Variants in SCN1A observed in about 807,000 individuals in gnomAD.
SCN1A encodes the protein sodium channel protein type 1 subunit alpha.
SCN1A carries 13 observed loss-of-function variants against 193.7 expected under a neutral mutation model. The observed-to-expected ratio is 0.07, with a 90% CI of 0.04 to 0.11. SCN1A has a LOEUF of 0.11. Ranked by LOEUF, SCN1A falls within the 10% of genes least tolerant of loss-of-function variation. The probability of loss-of-function intolerance (pLI) is 1.00; values close to 1 mark genes in which losing one functional copy is unlikely to be tolerated. For missense variants in SCN1A, 1,432 were observed against 2,451.1 expected (o/e 0.58, Z 8.78); for synonymous variants, 781 against 843.6 (o/e 0.93, Z 1.29).
At chr2:166,113,391 T>G (rs1187932660) in intron 2 of SCN1A, among the ~76,000 whole-genome samples, 1 of 151,964 alleles carries the variant, frequency 6.6e-6, no homozygotes, top group Non-Finnish European at 1.5e-5. Context: ...GAATGACTAG[T>G]AAATGAAAAA....
chr2:166,039,893 A>C (rs1311331741), intron 16 of SCN1A, among the ~76,000 whole-genome samples: 1 of 147,192 alleles, frequency 6.8e-6, no homozygotes, highest in South Asian at 2.2e-4. Context: ...CAAAACTAGG[A>C]TTTGAGTACA....
intron 4 of SCN1A, among the ~76,000 whole-genome samples, chr2:166,065,968 G>T (rs1683797225): frequency 6.6e-6 from 1 of 152,144 alleles, no homozygotes; most frequent in Non-Finnish European, 1.5e-5. Flanking sequence ...TGGACTCCAT[G>T]CCTCACAGTC....
At chr2:166,112,799 G>T (rs747867719) in intron 2 of SCN1A, among the ~76,000 whole-genome samples, 10 of 152,226 alleles carry the variant, frequency 6.6e-5, no homozygotes, top group Non-Finnish European at 1.2e-4. Flanking sequence ...ACCTGCATCT[G>T]CAAGGGATGG....
chr2:166,050,613 G>GTATATATATATATATATATA (rs368513344), intron 9 of SCN1A, among the ~76,000 whole-genome samples: 1,997 of 63,828 alleles, frequency 0.031, 79 homozygotes, highest in Non-Finnish European at 0.043. Context: ...ATTAAAAAAA[G>GTATATATATATATATATATA]TATATATATA....
In SCN1A at chr2:165,992,205, G is replaced by A. The variant is rs372367100; in HGVS notation, c.5070C>T (p.Ser1690=). The part of the protein sequence containing the change: ...VMFIYAIFGM[S]NFAYVKREVG... ...CTTCCCTCTTAACATAGGCAAAGTT[G>A]GACATCCCAAAGATGGCGTAGATGA... The change falls in exon 29 of 29, where the codon TCC becomes TCT. Residue 1690 remains serine, a synonymous_variant. Transcript: ENST00000674923. This position sits in a 1 kb window ranked among gnomAD's most constrained non-coding sequence, Gnocchi z 6.5. 29 of 1,613,694 alleles carry A rather than the reference G, an allele frequency of 1.8e-5. No individual in the cohort carries two copies. Among genetic ancestry groups the A allele is most frequent in the Non-Finnish European group, 2.4e-5 (28 of 1,179,898 alleles).
At chr2:166,046,352 T>G in intron 12 of SCN1A, among the ~76,000 whole-genome samples, 1 of 152,128 alleles carries the variant, frequency 6.6e-6, no homozygotes, top group Non-Finnish European at 1.5e-5. Flanking sequence ...GCAACCACGT[T>G]AAAAGCCAAC....
At chr2:166,062,205 A>C (rs1221258139) in intron 4 of SCN1A, among the ~76,000 whole-genome samples, 1 of 152,140 alleles carries the variant, frequency 6.6e-6, no homozygotes, top group Non-Finnish European at 1.5e-5. Flanking sequence ...ATACATGCTT[A>C]TGTACAAACT....
At chr2:166,119,351 T>C (rs944658130) in intron 2 of SCN1A, among the ~76,000 whole-genome samples, 4 of 152,180 alleles carry the variant, frequency 2.6e-5, no homozygotes, top group Non-Finnish European at 5.9e-5. Context: ...CTCTGGCTCA[T>C]TTTCACTTGC....
chr2:166,072,316 A>T (rs553942401), intron 4 of SCN1A, among the ~76,000 whole-genome samples: 26 of 152,210 alleles, frequency 1.7e-4, no homozygotes, highest in African/African-American at 6.3e-4. Flanking sequence ...CTTAAAAAAA[A>T]TTTTATGCTT....
chr2:166,134,970 T>C (rs1224737203), intron 1 of SCN1A, among the ~76,000 whole-genome samples: 1 of 152,126 alleles, frequency 6.6e-6, no homozygotes, highest in Non-Finnish European at 1.5e-5. Context: ...ATAATGAAAA[T>C]GCCTGAGCAA....
chr2:166,146,008 C>T (rs950507625), intron 1 of SCN1A, among the ~76,000 whole-genome samples: 1 of 151,940 alleles, frequency 6.6e-6, no homozygotes, highest in African/African-American at 2.4e-5. Flanking sequence ...GGGTAGAAGC[C>T]CACATCTTTA....
chr2:166,068,264 T>C (rs1684053607), intron 4 of SCN1A, among the ~76,000 whole-genome samples: 1 of 152,218 alleles, frequency 6.6e-6, no homozygotes, highest in Non-Finnish European at 1.5e-5. Context: ...AAGGATCTCC[T>C]ATAGATATGG....
At chr2:166,108,243 C>A (rs940542875) in intron 2 of SCN1A, among the ~76,000 whole-genome samples, 2 of 151,724 alleles carry the variant, frequency 1.3e-5, no homozygotes, top group South Asian at 4.2e-4. Context: ...AAATAAAAAA[C>A]CCAATGAGAC....
intron 2 of SCN1A, among the ~76,000 whole-genome samples, chr2:166,102,004 TA>T (rs1373607894): frequency 6.6e-6 from 1 of 152,292 alleles, no homozygotes; most frequent in East Asian, 1.9e-4. Context: ...CCAGTATCTA[TA>T]AGGAACTTAC....
In SCN1A at chr2:165,989,100, A is replaced by G. The variant is rs1688810288; in HGVS notation, c.*2145T>C. On this transcript the variant is annotated 3_prime_UTR_variant, in exon 29 of 29. Coordinates refer to ENST00000674923, the MANE Select transcript of SCN1A (RefSeq NM_001165963.4). The stretch of plus-strand genomic sequence containing the variant: ...CGCTCCCCTTCTCCCCCAATTTGTA[A>G]TGTAAAAAATCTCCATATCATTAGA... The G allele has an allele frequency of 6.6e-6, 1 of 151,190 alleles. No homozygotes were observed. 9.4% of individuals were successfully genotyped at this position (151,190 alleles called of 1,614,324 possible).
At position 166,007,667 on chromosome 2, in the gene SCN1A, T is replaced by G. The variant is rs58140851; in HGVS notation, c.4002+2052A>C. Among the ~76,000 whole-genome samples, 1 of 151,520 alleles carries G rather than the reference T, an allele frequency of 6.6e-6. No individual in the cohort carries two copies. ...TTATTTGTTACTTTCTAACTTCTTA[T>G]CAAGCACTGTACAACATGCTTTATT... On this transcript the variant is annotated intron_variant, in intron 23 of 28. Transcript: ENST00000674923.
In SCN1A at chr2:166,043,846, C is replaced by G; in HGVS notation, c.1866G>C (p.Leu622=). Residue 622 remains leucine, a synonymous_variant, in exon 14 of 29, where the codon CTG becomes CTC. Coordinates refer to ENST00000674923, the MANE Select transcript of SCN1A (RefSeq NM_001165963.4). ...TCCGGGATGACCTACTGGTCTGACT[C>G]AGGTTGCTGTTGCGTCTCTCTCCGT... is the stretch of plus-strand genomic sequence containing the variant. The part of the protein sequence containing the change: ...RRHGERRNSN[L]SQTSRSSRML... 6.2e-7 allele frequency: 1 copy of G among 1,614,206 alleles called. No homozygotes were observed. The highest frequency in any genetic ancestry group is 8.5e-7 in the Non-Finnish European group (1 of 1,180,022).
chr2:166,025,627 T>C (rs1231042160), intron 19 of SCN1A, among the ~76,000 whole-genome samples: 1 of 152,160 alleles, frequency 6.6e-6, no homozygotes, highest in African/African-American at 2.4e-5. Flanking sequence ...CAAGTGTCAT[T>C]GAGATCATCT....
intron 19 of SCN1A, among the ~76,000 whole-genome samples, chr2:166,028,874 T>G (rs1410453653): frequency 6.6e-6 from 1 of 152,008 alleles, no homozygotes; most frequent in African/African-American, 2.4e-5. Context: ...TGCCACACAC[T>G]CTAATAGGAG....
Sources: gnomAD v4.1 joint callset for allele counts (sites outside exome capture counted in the v4.1 genomes callset) on GRCh38, gnomAD v4.1.1 for gene constraint, Gnocchi (gnomAD v3.1) non-coding constraint, MANE v1.5 for transcripts, NCBI Gene and HGNC (gene_info 2026-07-23, HGNC 2026-07-21) for gene names.